The following ST6GALNAC1 variants were observed in gnomAD, a reference collection of about 807,000 sequenced individuals.
ST6GALNAC1 encodes ST6 N-acetylgalactosaminide alpha-2,6-sialyltransferase 1.
A neutral mutation model predicts 56.8 loss-of-function variants in ST6GALNAC1; 45 were observed. The observed-to-expected ratio is 0.79, with a 90% CI of 0.62 to 1.02. The LOEUF (loss-of-function observed/expected upper bound fraction) is 1.02, where lower values mean the gene tolerates loss of function less well. ST6GALNAC1 is among the 50% of genes least tolerant of loss of function. The pLI is 0.00. For missense variants in ST6GALNAC1, 743 were observed against 754.8 expected (o/e 0.98, Z 0.18); for synonymous variants, 295 against 297.8 (o/e 0.99, Z 0.10).
chr17:76,629,905 C>G (rs1007149650), intron 1 of ST6GALNAC1, among the ~76,000 whole-genome samples, 194 bp from the exon 2 acceptor site: 3 of 151,758 alleles, frequency 2.0e-5, no homozygotes, highest in African/African-American at 4.8e-5. Context: ...GCCCCACCCC[C>G]CTGAGTAGCT....
At chr17:76,639,160 T>TA (rs2076014117) in intron 1 of ST6GALNAC1, among the ~76,000 whole-genome samples, 1 of 152,220 alleles carries the variant, frequency 6.6e-6, no homozygotes, top group Non-Finnish European at 1.5e-5. Flanking sequence ...TTGAGAGCCA[T>TA]AAAGTTTAAA....
chr17:76,643,757 T>A lies in ST6GALNAC1; in HGVS notation c.-119A>T. On this transcript the variant is annotated 5_prime_UTR_variant, in exon 1 of 9. Coordinates refer to ENST00000156626, the MANE Select transcript of ST6GALNAC1 (RefSeq NM_018414.5). ...AAGTGCACACCCTTTGTCTTAACAATGAGCCACTCCGGCAAGTGCTGAGTT... is the reference window on the plus strand; with the variant it reads ...AAGTGCACACCCTTTGTCTTAACAAAGAGCCACTCCGGCAAGTGCTGAGTT... 3.0e-6 allele frequency: 3 copies of A among 995,760 alleles called. No homozygotes were observed. The highest frequency in any genetic ancestry group is 4.4e-6 in the Non-Finnish European group (3 of 677,224). The allele number at this position is 995,760 out of a possible 1,614,324, so 61.7% of individuals were successfully genotyped here. A position where few individuals can be genotyped will look rare whatever the true frequency, so the allele number is the denominator to read the frequency against.
At chr17:76,639,056 C>G (rs1235151633) in intron 1 of ST6GALNAC1, among the ~76,000 whole-genome samples, 4 of 152,178 alleles carry the variant, frequency 2.6e-5, no homozygotes, top group Non-Finnish European at 5.9e-5. Flanking sequence ...CCTCTAAAAC[C>G]ACGTTCCCCC....
Position 76,625,813 on chromosome 17 carries a change from C to A in ST6GALNAC1, c.1605+6G>T. On this transcript the variant is annotated splice_donor_region_variant and intron_variant, in intron 8 of 8. Transcript: ENST00000156626. ...AGGTATTTCTGCAGCTGCAGTGGAG[C>A]CTTACCTGGTCACAGAGCTGAAGGG... 6.5e-7 allele frequency: 1 copy of A among 1,529,218 alleles called. No homozygotes were observed. The highest frequency in any genetic ancestry group is 8.8e-7 in the Non-Finnish European group (1 of 1,142,838). The allele number at this position is 1,529,218 out of a possible 1,614,324, so 94.7% of individuals were successfully genotyped here. A position where few individuals can be genotyped will look rare whatever the true frequency, so the allele number is the denominator to read the frequency against.
At position 76,625,088 on chromosome 17, in the gene ST6GALNAC1, AC is replaced by A; in HGVS notation, c.*241del. 2 of 539,698 alleles carry A rather than the reference AC, an allele frequency of 3.7e-6. No individual in the cohort carries two copies. The highest frequency in any genetic ancestry group is 6.6e-6 in the Non-Finnish European group (2 of 304,340). The allele number at this position is 539,698 out of a possible 1,614,324, so 33.4% of individuals were successfully genotyped here. A position where few individuals can be genotyped will look rare whatever the true frequency, so the allele number is the denominator to read the frequency against. ...GGAATTGTGGTATTGGCCACCCATC[AC>A]CCCATTTAATTAAAAATCCCTGGCC... On this transcript the variant is annotated 3_prime_UTR_variant, in exon 9 of 9. Transcript: ENST00000156626.
intron 1 of ST6GALNAC1, among the ~76,000 whole-genome samples, chr17:76,642,293 G>A (rs1345847801): frequency 6.6e-6 from 1 of 151,344 alleles, no homozygotes; most frequent in Non-Finnish European, 1.5e-5. Flanking sequence ...CACAGGGTAT[G>A]GCACCAAAAT....
intron 1 of ST6GALNAC1, among the ~76,000 whole-genome samples, chr17:76,637,909 G>A (rs1026878401): frequency 1.3e-5 from 2 of 152,118 alleles, no homozygotes; most frequent in African/African-American, 4.8e-5. Flanking sequence ...TCGGCTCACT[G>A]GAAGCCAGTG....
At chr17:76,641,942 T>C (rs938399201) in intron 1 of ST6GALNAC1, 1 of 151,050 alleles carries the variant, frequency 6.6e-6, no homozygotes, top group African/African-American at 2.5e-5. Context: ...CATATATATG[T>C]ATATATACGT....
chr17:76,623,036 G>A (rs9889770), downstream of ST6GALNAC1, among the ~76,000 whole-genome samples: 73,683 of 152,000 alleles, frequency 0.48, 18,239 homozygotes, highest in Non-Finnish European at 0.55. Flanking sequence ...CTTGTGATCC[G>A]CCTGCCTCGG....
At position 76,627,712 on chromosome 17, in the gene ST6GALNAC1, G is replaced by T; in HGVS notation, c.832-129C>A. ...CGGCCTCTGCTACCTCTTCCATTCT[G>T]TTCTCAGGGTCTGCTTACCCTCCCC... On this transcript the variant is annotated intron_variant, in intron 2 of 8. Transcript: ENST00000156626. The surrounding 1 kb of genome is among the most constrained non-coding windows in gnomAD (Gnocchi z 4.4). 1.3e-6 allele frequency: 1 copy of T among 798,928 alleles called. No homozygotes were observed. The highest frequency in any genetic ancestry group is 2.0e-6 in the Non-Finnish European group (1 of 505,068). The allele number at this position is 798,928 out of a possible 1,614,324, so 49.5% of individuals were successfully genotyped here.
At chr17:76,622,512 A>C (rs557111150), downstream of ST6GALNAC1, among the ~76,000 whole-genome samples, 7 of 151,906 alleles carry the variant, frequency 4.6e-5, no homozygotes, top group African/African-American at 7.2e-5. Flanking sequence ...CTACAGGTGC[A>C]CGCCACCATG....
chr17:76,626,500 C>G (rs2075800527), intron 5 of ST6GALNAC1, 108 bp from the exon 6 acceptor site: 1 of 1,491,410 alleles, frequency 6.7e-7, no homozygotes, highest in African/African-American at 1.4e-5. Flanking sequence ...CTGGACTGGT[C>G]TGACTGTCCT....
Position 76,630,855 on chromosome 17 carries a change from C to T in ST6GALNAC1, c.132-1144G>A, listed in dbSNP as rs371483446. Among the ~76,000 whole-genome samples the T allele has an allele frequency of 2.4e-3, 357 of 149,576 alleles. 3 individuals are homozygous for T. The highest frequency in any genetic ancestry group is 0.018 in the Middle Eastern group (5 of 284). On this transcript the variant is annotated intron_variant, in intron 1 of 8. Coordinates refer to ENST00000156626, the MANE Select transcript of ST6GALNAC1 (RefSeq NM_018414.5). The stretch of plus-strand genomic sequence containing the variant: ...CTGCCCACCTTGGCCTCCCAAGGTG[C>T]TGGGATTTTACAGGCGTGAGCCACC...
Position 76,632,223 on chromosome 17 carries a change from G to A in ST6GALNAC1, c.132-2512C>T, listed in dbSNP as rs535470260. ...TCCCTTCCAAACTCCGGCAGCCCTC[G>A]GCAGAGAGGAATTCTGCTGAATGAC... On this transcript the variant is annotated intron_variant, in intron 1 of 8. Transcript: ENST00000156626. Among the ~76,000 whole-genome samples the A allele has an allele frequency of 7.6e-4, 116 of 152,252 alleles. 2 individuals are homozygous for A. The South Asian group carries it at 0.023, about 31-fold the overall frequency.
downstream of ST6GALNAC1, among the ~76,000 whole-genome samples, chr17:76,622,604 C>T (rs1007622522): frequency 6.6e-6 from 1 of 152,136 alleles, no homozygotes; most frequent in Non-Finnish European, 1.5e-5. Flanking sequence ...ACCTCATGAT[C>T]GGCCCACCTT....
intron 4 of ST6GALNAC1, 58 bp from the exon 5 acceptor site, chr17:76,626,847 G>C: frequency 1.9e-6 from 3 of 1,596,928 alleles, no homozygotes; most frequent in African/African-American, 1.3e-5. Flanking sequence ...GATTTGTGTA[G>C]GTGGATGGGG....
chr17:76,640,858 A>C (rs1321282240), intron 1 of ST6GALNAC1, among the ~76,000 whole-genome samples: 1 of 152,236 alleles, frequency 6.6e-6, no homozygotes, highest in Admixed American at 6.5e-5. Context: ...AGGCTGAAGA[A>C]GATATTTTGA....
In ST6GALNAC1 at chr17:76,626,840, T is replaced by A. The variant is rs770358947; in HGVS notation, c.1173-51A>T. The A allele has an allele frequency of 8.1e-6, 13 of 1,605,482 alleles. No homozygotes were observed. In the South Asian group the frequency reaches 1.3e-4, roughly 16 times the overall value. ...GGACAGGTGAGCAGAGGAGGGAGAT[T>A]TGTGTAGGTGGATGGGGAAAGGAAG... On this transcript the variant is annotated intron_variant, in intron 4 of 8. Transcript: ENST00000156626.
chr17:76,630,981 A>G (rs2075887354), intron 1 of ST6GALNAC1, among the ~76,000 whole-genome samples: 1 of 147,930 alleles, frequency 6.8e-6, no homozygotes, highest in Non-Finnish European at 1.5e-5. Context: ...TACAGCCTCA[A>G]ACTCCTGGGC....
Sources: gnomAD v4.1 joint callset for allele counts (sites outside exome capture counted in the v4.1 genomes callset) on GRCh38, gnomAD v4.1.1 for gene constraint, Gnocchi (gnomAD v3.1) non-coding constraint, MANE v1.5 for transcripts, NCBI Gene and HGNC (gene_info 2026-07-23, HGNC 2026-07-21) for gene names.